CYTH1: variants seen among roughly 807,000 people sequenced by gnomAD.
The protein encoded by CYTH1 is cytohesin-1.
CYTH1 carries 18 observed loss-of-function variants against 61.8 expected under a neutral mutation model. That is an observed-to-expected ratio of 0.29 (90% CI 0.20 to 0.43). The LOEUF (loss-of-function observed/expected upper bound fraction) is 0.43, where lower values mean the gene tolerates loss of function less well. CYTH1 is among the 20% of genes least tolerant of loss of function. The pLI, the probability that CYTH1 is intolerant of heterozygous loss-of-function variation, is 1.00. For missense variants in CYTH1, 336 were observed against 510.5 expected, an observed-to-expected ratio of 0.66 and a Z score of 3.29; for synonymous variants, 174 against 184.3, an observed-to-expected ratio of 0.94 and a Z score of 0.45.
At position 78,675,973 on chromosome 17, in the gene CYTH1, G is replaced by C; in HGVS notation, c.*118C>G. 6.5e-7 allele frequency: 1 copy of C among 1,549,736 alleles called. No individual in the cohort carries two copies. On this transcript the variant is annotated 3_prime_UTR_variant, in exon 14 of 14. Coordinates refer to ENST00000446868, the MANE Select transcript of CYTH1 (RefSeq NM_004762.6). ...TAGCAAAAGCTGAAGCTAGTCTCTA[G>C]GAATCCAGGGCGGGGCCTGGCAGAG... is the stretch of plus-strand genomic sequence containing the variant.
intron 1 of CYTH1, among the ~76,000 whole-genome samples, chr17:78,776,336 A>G (rs1023263774): frequency 1.3e-5 from 2 of 152,058 alleles, no homozygotes; most frequent in Admixed American, 6.6e-5. Flanking sequence ...AACCCTGAAC[A>G]TTATTACACA....
At chr17:78,756,204 T>C (rs1286076574) in intron 1 of CYTH1, among the ~76,000 whole-genome samples, 1 of 151,690 alleles carries the variant, frequency 6.6e-6, no homozygotes, top group Admixed American at 6.6e-5. Flanking sequence ...GCCACTCTAG[T>C]AGCTGGGATT....
chr17:78,782,155 A>G, intron 1 of CYTH1, 47 bp downstream of exon 1: 1 of 1,332,188 alleles, frequency 7.5e-7, no homozygotes, highest in Non-Finnish European at 9.7e-7. Flanking sequence ...CCCGGAGGGG[A>G]CTGGGGGACA....
intron 1 of CYTH1, among the ~76,000 whole-genome samples, chr17:78,752,495 T>C (rs2093384307): frequency 1.3e-5 from 2 of 152,158 alleles, no homozygotes; most frequent in Admixed American, 1.3e-4. Context: ...TGTAGTGGTG[T>C]GATCTCAGCT....
intron 13 of CYTH1, chr17:78,676,472 A>G: frequency 2.7e-6 from 1 of 371,504 alleles, no homozygotes. Context: ...GCTATATTCC[A>G]ATTCAGAGAA....
chr17:78,698,157 G>GCACACGCACAAACACGCACACGCGCA, intron 9 of CYTH1, 112 bp downstream of exon 9: 1 of 880,348 alleles, frequency 1.1e-6, no homozygotes, highest in South Asian at 1.4e-5. Flanking sequence ...GCGCACACAT[G>GCACACGCACAAACACGCACACGCGCA]CACACGCACA....
At chr17:78,779,783 A>G (rs2093509286) in intron 1 of CYTH1, among the ~76,000 whole-genome samples, 1 of 152,218 alleles carries the variant, frequency 6.6e-6, no homozygotes, top group South Asian at 2.1e-4. Context: ...GCCTCCAGAA[A>G]GAACCAGCCT....
At position 78,680,362 on chromosome 17, in the gene CYTH1, GA is replaced by G. The variant is rs773179688; in HGVS notation, c.964-19del. The G allele has an allele frequency of 6.2e-7, 1 of 1,604,062 alleles. No individual in the cohort carries two copies. Among genetic ancestry groups the G allele is most frequent in the East Asian group, 2.2e-5 (1 of 44,632 alleles). The stretch of plus-strand genomic sequence containing the variant: ...AAGCAGTTCTGAGAATCAAAACAGA[GA>G]GGGAGAGAGTGGAGCAAAGGAAGCT... On this transcript the variant is annotated intron_variant, in intron 12 of 13. Coordinates refer to ENST00000446868, the MANE Select transcript of CYTH1 (RefSeq NM_004762.6).
chr17:78,708,061 G>C, intron 3 of CYTH1, 136 bp downstream of exon 3: 1 of 801,970 alleles, frequency 1.2e-6, no homozygotes, highest in Non-Finnish European at 2.1e-6. Flanking sequence ...GACATTATGG[G>C]TGTGTATGTG....
chr17:78,743,814 CTCATT>C (rs1296647431), intron 1 of CYTH1, among the ~76,000 whole-genome samples: 1 of 152,218 alleles, frequency 6.6e-6, no homozygotes, highest in African/African-American at 2.4e-5. Context: ...TCTACTTCTT[CTCATT>C]TAAGAGTGAC....
intron 3 of CYTH1, 30 bp downstream of exon 3, chr17:78,708,167 A>G: frequency 6.2e-7 from 1 of 1,613,390 alleles, no homozygotes; most frequent in Non-Finnish European, 8.5e-7. Context: ...TTACAACCAC[A>G]GAAGCCACCT....
At position 78,775,549 on chromosome 17, in the gene CYTH1, G is replaced by T. The variant is rs535832797; in HGVS notation, c.22+6653C>A. 4.6e-5 allele frequency among the ~76,000 whole-genome samples: 7 copies of T among 152,140 alleles called. No homozygotes were observed. In the South Asian group the frequency reaches 8.3e-4, roughly 18 times the overall value. On this transcript the variant is annotated intron_variant, in intron 1 of 13. Coordinates refer to ENST00000446868, the MANE Select transcript of CYTH1 (RefSeq NM_004762.6). ...ACACTGCTATTTTAACTTGAAATTTGTTCTTTCTTGTTTTAGATAATGAAT... is the reference window on the plus strand; with the variant it reads ...ACACTGCTATTTTAACTTGAAATTTTTTCTTTCTTGTTTTAGATAATGAAT...
intron 11 of CYTH1, among the ~76,000 whole-genome samples, chr17:78,688,594 A>G (rs1443905703): frequency 6.6e-6 from 1 of 152,256 alleles, no homozygotes; most frequent in Non-Finnish European, 1.5e-5. Flanking sequence ...ACCAACAGCC[A>G]GTCCTGGCTT....
chr17:78,705,227 A>G (rs1447725536), intron 3 of CYTH1, among the ~76,000 whole-genome samples: 1 of 152,096 alleles, frequency 6.6e-6, no homozygotes, highest in East Asian at 1.9e-4. Context: ...ACCAGAACGC[A>G]CACTCCCAGA....
intron 6 of CYTH1, among the ~76,000 whole-genome samples, chr17:78,701,291 A>G (rs2093006435): frequency 6.6e-6 from 1 of 152,268 alleles, no homozygotes; most frequent in African/African-American, 2.4e-5. Flanking sequence ...ATGAGGTAAC[A>G]GATTTAATAA....
intron 1 of CYTH1, among the ~76,000 whole-genome samples, chr17:78,738,014 A>G (rs1216878964): frequency 6.6e-6 from 1 of 152,130 alleles, no homozygotes; most frequent in Non-Finnish European, 1.5e-5. Context: ...ATAATATTTA[A>G]CCAGTCCCAT....
At chr17:78,695,533 G>A (rs2092929898) in intron 10 of CYTH1, among the ~76,000 whole-genome samples, 1 of 152,006 alleles carries the variant, frequency 6.6e-6, no homozygotes, top group African/African-American at 2.4e-5. Context: ...CATAGCTTTG[G>A]GAAGTCAAGA....
At position 78,742,278 on chromosome 17, in the gene CYTH1, C is replaced by T. The variant is rs375467981; in HGVS notation, c.23-32546G>A. Among the ~76,000 whole-genome samples, 5 of 152,356 alleles carry T rather than the reference C, an allele frequency of 3.3e-5. No individual in the cohort carries two copies. In the East Asian group the frequency reaches 9.6e-4, roughly 29 times the overall value. On this transcript the variant is annotated intron_variant, in intron 1 of 13. Coordinates refer to ENST00000446868, the MANE Select transcript of CYTH1 (RefSeq NM_004762.6). ...TTACCAGCTGTCTTCTAACATGCTGCCCTGCTGGGCCAGTGGCTCATGCCT... is the reference window on the plus strand; with the variant it reads ...TTACCAGCTGTCTTCTAACATGCTGTCCTGCTGGGCCAGTGGCTCATGCCT...
chr17:78,730,857 G>A (rs1425982318), intron 1 of CYTH1, among the ~76,000 whole-genome samples: 1 of 151,804 alleles, frequency 6.6e-6, no homozygotes. Flanking sequence ...GTAGAGATGG[G>A]GTTTCACCGT....
Sources: gnomAD v4.1 joint callset for allele counts (sites outside exome capture counted in the v4.1 genomes callset) on GRCh38, gnomAD v4.1.1 for gene constraint, MANE v1.5 for transcripts, NCBI Gene and HGNC (gene_info 2026-07-23, HGNC 2026-07-21) for gene names.